Variants in AGAP1 observed in about 807,000 individuals in gnomAD.
AGAP1 encodes the protein ArfGAP with GTPase domain, ankyrin repeat and PH domain 1.
A neutral mutation model predicts 105.3 loss-of-function variants in AGAP1; 29 were observed. The ratio of observed to expected loss-of-function variants is 0.28; its 90% CI spans 0.21 to 0.38. AGAP1 has a LOEUF of 0.38. AGAP1 is among the 10% of genes least tolerant of loss of function. The probability of loss-of-function intolerance (pLI) is 1.00; values close to 1 mark genes in which losing one functional copy is unlikely to be tolerated. For missense variants in AGAP1, 998 were observed against 1,165.1 expected, an observed-to-expected ratio of 0.86 and a Z score of 2.09; for synonymous variants, 509 against 485.9, an observed-to-expected ratio of 1.05 and a Z score of -0.63.
intron 11 of AGAP1, among the ~76,000 whole-genome samples, chr2:235,920,304 G>A (rs1302228527): frequency 1.3e-5 from 2 of 152,110 alleles, no homozygotes; most frequent in Non-Finnish European, 2.9e-5. Context: ...TGTACCAATT[G>A]CCACATGATA....
In AGAP1 at chr2:235,686,646, GAT is replaced by G. The variant is rs869287617; in HGVS notation, c.164-22514_164-22513del. Among the ~76,000 whole-genome samples the G allele has an allele frequency of 4.8e-4, 9 of 18,822 alleles. 1 individual carries two copies. The highest frequency in any genetic ancestry group is 7.8e-4 in the Admixed American group (1 of 1,288). 12.3% of individuals were successfully genotyped at this position (18,822 alleles called of 152,430 possible). A position where few individuals can be genotyped will look rare whatever the true frequency, so the allele number is the denominator to read the frequency against. ...ATATATATATATATATATATATATA[GAT>G]ATATATATATATATATATTTTTTTT... On this transcript the variant is annotated intron_variant, in intron 1 of 17. Coordinates refer to ENST00000304032, the MANE Select transcript of AGAP1 (RefSeq NM_001037131.3).
At position 235,566,624 on chromosome 2, in the gene AGAP1, T is replaced by C. The variant is rs1229754883; in HGVS notation, c.163+71775T>C. ...GTCTGTCTCCTGCCTCTCTTATTTATGTTGTATGCCTGACACCTTCCTCAT... is the reference window on the plus strand; with the variant it reads ...GTCTGTCTCCTGCCTCTCTTATTTACGTTGTATGCCTGACACCTTCCTCAT... On this transcript the variant is annotated intron_variant, in intron 1 of 17. Transcript: ENST00000304032. This position sits in a 1 kb window ranked among gnomAD's most constrained non-coding sequence, Gnocchi z 5.2. 3.0e-6 allele frequency: 3 copies of C among 983,678 alleles called. No homozygotes were observed. Among genetic ancestry groups the C allele is most frequent in the Non-Finnish European group, 3.6e-6 (3 of 828,364 alleles). 60.9% of individuals were successfully genotyped at this position (983,678 alleles called of 1,614,324 possible). A position where few individuals can be genotyped will look rare whatever the true frequency, so the allele number is the denominator to read the frequency against.
Position 235,893,277 on chromosome 2 carries a change from T to A in AGAP1, c.1155+9828T>A, listed in dbSNP as rs1027532913. Among the ~76,000 whole-genome samples, 14 of 149,286 alleles carry A rather than the reference T, an allele frequency of 9.4e-5. No individual in the cohort carries two copies. Among genetic ancestry groups the A allele is most frequent in the Non-Finnish European group, 1.9e-4 (13 of 67,288 alleles). On this transcript the variant is annotated intron_variant, in intron 10 of 17. Coordinates refer to ENST00000304032, the MANE Select transcript of AGAP1 (RefSeq NM_001037131.3). This position sits in a 1 kb window ranked among gnomAD's most constrained non-coding sequence, Gnocchi z 4.7. ...GTCCATCATAAGGAAGCGCCGTGTC[T>A]GTAGCGTGGGTGTAGCGTGTCTGTG...
intron 9 of AGAP1, among the ~76,000 whole-genome samples, chr2:235,853,584 A>G (rs2048565538): frequency 2.0e-5 from 3 of 152,158 alleles, no homozygotes; most frequent in South Asian, 2.1e-4. Flanking sequence ...AGACCACCCT[A>G]TGGTAATTAT....
intron 1 of AGAP1, among the ~76,000 whole-genome samples, chr2:235,554,258 G>A (rs1943903350): frequency 6.6e-6 from 1 of 152,246 alleles, no homozygotes; most frequent in African/African-American, 2.4e-5. Flanking sequence ...CTGAAGCAGA[G>A]AGTGGCCTGC....
chr2:235,885,300 AT>A (rs1289588111), intron 10 of AGAP1, among the ~76,000 whole-genome samples: 1 of 152,162 alleles, frequency 6.6e-6, no homozygotes, highest in Non-Finnish European at 1.5e-5. Flanking sequence ...ATTTTTAATG[AT>A]TATATAATAT....
At chr2:235,950,370 T>A (rs1342788800) in intron 12 of AGAP1, among the ~76,000 whole-genome samples, 1 of 151,992 alleles carries the variant, frequency 6.6e-6, no homozygotes, top group Non-Finnish European at 1.5e-5. Flanking sequence ...CCATAGGATA[T>A]CACAGGGTGT....
chr2:235,701,345 CA>C lies in AGAP1; in HGVS notation c.164-7833del, dbSNP rs1950252584. ...ACAGATTCTAAGTCGCCTCAGGGCT[CA>C]GGGGAAAGAGCCTTGGAATTGCAGG... On this transcript the variant is annotated intron_variant, in intron 1 of 17. Coordinates refer to ENST00000304032, the MANE Select transcript of AGAP1 (RefSeq NM_001037131.3). The surrounding 1 kb of genome is among the most constrained non-coding windows in gnomAD (Gnocchi z 4.1). 6.6e-6 allele frequency among the ~76,000 whole-genome samples: 1 copy of C among 152,000 alleles called. No individual in the cohort carries two copies. Among genetic ancestry groups the C allele is most frequent in the East Asian group, 1.9e-4 (1 of 5,168 alleles).
rs949329456 is a variant in AGAP1, at chr2:236,049,428, G to C, written c.2114+147G>C. ...CGATTCATCCGGCATAGGAATGTCT[G>C]TGTTTAAAGTTGGTCTTGAGCAGAC... is the stretch of plus-strand genomic sequence containing the variant. On this transcript the variant is annotated intron_variant, in intron 16 of 17. Coordinates refer to ENST00000304032, the MANE Select transcript of AGAP1 (RefSeq NM_001037131.3). 1.3e-4 allele frequency: 96 copies of C among 712,540 alleles called. No individual in the cohort carries two copies. The African/African-American group carries it at 1.6e-3, about 12-fold the overall frequency. 44.1% of individuals were successfully genotyped at this position (712,540 alleles called of 1,614,324 possible).
intron 6 of AGAP1, among the ~76,000 whole-genome samples, chr2:235,786,078 G>A (rs1196874056): frequency 6.6e-6 from 1 of 152,170 alleles, no homozygotes; most frequent in East Asian, 1.9e-4. Flanking sequence ...ACAGCTTGAT[G>A]AGTTGAGAAG....
chr2:235,824,173 C>T lies in AGAP1; in HGVS notation c.1050+16842C>T, dbSNP rs1022351876. Among the ~76,000 whole-genome samples, 4 of 152,366 alleles carry T rather than the reference C, an allele frequency of 2.6e-5. No individual in the cohort carries two copies. The highest frequency in any genetic ancestry group is 4.4e-5 in the Non-Finnish European group (3 of 68,040). ...AGAAACGTTTTCTAAATAGCGCCAA[C>T]GCTGAGGGGTCTTCGATTGGTGGCA... On this transcript the variant is annotated intron_variant, in intron 9 of 17. Coordinates refer to ENST00000304032, the MANE Select transcript of AGAP1 (RefSeq NM_001037131.3). This position sits in a 1 kb window ranked among gnomAD's most constrained non-coding sequence, Gnocchi z 5.2.
chr2:235,531,487 T>C (rs1943043428), intron 1 of AGAP1, among the ~76,000 whole-genome samples: 1 of 152,130 alleles, frequency 6.6e-6, no homozygotes, highest in Non-Finnish European at 1.5e-5. Flanking sequence ...AGTGACCCGC[T>C]CCCATGTCAC....
At position 235,639,419 on chromosome 2, in the gene AGAP1, T is replaced by G. The variant is rs1947117778; in HGVS notation, c.164-69760T>G. ...GATAGAACCCGGGGAATCCCAGTGT[T>G]TCCAGGGTGGGCAGAGGAAGAGGAG... On this transcript the variant is annotated intron_variant, in intron 1 of 17. Coordinates refer to ENST00000304032, the MANE Select transcript of AGAP1 (RefSeq NM_001037131.3). The surrounding 1 kb of genome is among the most constrained non-coding windows in gnomAD (Gnocchi z 5.3). 6.6e-6 allele frequency among the ~76,000 whole-genome samples: 1 copy of G among 152,154 alleles called. No homozygotes were observed. The highest frequency in any genetic ancestry group is 2.4e-5 in the African/African-American group (1 of 41,434).
At chr2:236,118,844 T>C (rs112487943) in intron 16 of AGAP1, among the ~76,000 whole-genome samples, 1,609 of 152,226 alleles carry the variant, frequency 0.011, 30 homozygotes, top group African/African-American at 0.027. Context: ...CCTTTTTTTT[T>C]CCCCTCTAGC....
intron 13 of AGAP1, among the ~76,000 whole-genome samples, chr2:235,972,978 A>G (rs2054716009): frequency 1.3e-5 from 2 of 152,062 alleles, no homozygotes; most frequent in African/African-American, 4.8e-5. Flanking sequence ...ACCCTGCGAG[A>G]AGGTCTTCCT....
In AGAP1 at chr2:235,663,728, C is replaced by T. The variant is rs917215521; in HGVS notation, c.164-45451C>T. Among the ~76,000 whole-genome samples the T allele has an allele frequency of 6.6e-6, 1 of 152,164 alleles. No individual in the cohort carries two copies. The highest frequency in any genetic ancestry group is 1.9e-4 in the East Asian group (1 of 5,192). ...TTGTTCTCTGACAGTTCGTGATATT[C>T]GTTCCTACTCCAGGAAGCTCTTAGG... On this transcript the variant is annotated intron_variant, in intron 1 of 17. Coordinates refer to ENST00000304032, the MANE Select transcript of AGAP1 (RefSeq NM_001037131.3). The surrounding 1 kb of genome is among the most constrained non-coding windows in gnomAD (Gnocchi z 5.4).
chr2:235,905,977 A>G lies in AGAP1; in HGVS notation c.1156-2761A>G, dbSNP rs941844990. Among the ~76,000 whole-genome samples, 15 of 152,188 alleles carry G rather than the reference A, an allele frequency of 9.9e-5. No homozygotes were observed. The highest frequency in any genetic ancestry group is 3.9e-4 in the Admixed American group (6 of 15,284). ...ATGTTTTGTGGAGTCCAGCATCTCA[A>G]CTTCCAAGTGGAATCCCTTTCGGGG... On this transcript the variant is annotated intron_variant, in intron 10 of 17. Coordinates refer to ENST00000304032, the MANE Select transcript of AGAP1 (RefSeq NM_001037131.3). The surrounding 1 kb of genome is among the most constrained non-coding windows in gnomAD (Gnocchi z 4.2).
intron 1 of AGAP1, among the ~76,000 whole-genome samples, chr2:235,513,044 G>A (rs1942217184): frequency 6.6e-6 from 1 of 152,126 alleles, no homozygotes; most frequent in African/African-American, 2.4e-5. Flanking sequence ...GGCAGTTCTG[G>A]TCATTTTTGA....
rs979543789 is a variant in AGAP1, at chr2:235,610,690, A to G, written c.164-98489A>G. On this transcript the variant is annotated intron_variant, in intron 1 of 17. Coordinates refer to ENST00000304032, the MANE Select transcript of AGAP1 (RefSeq NM_001037131.3). The surrounding 1 kb of genome is among the most constrained non-coding windows in gnomAD (Gnocchi z 4.9). ...TAGCACAGCGCTTCCGCACACATCC[A>G]CATTGCAGACCCGCCATCCTCAAAC... is the stretch of plus-strand genomic sequence containing the variant. 6.6e-6 allele frequency among the ~76,000 whole-genome samples: 1 copy of G among 152,032 alleles called. No homozygotes were observed. Among genetic ancestry groups the G allele is most frequent in the African/African-American group, 2.4e-5 (1 of 41,378 alleles).
Sources: allele counts gnomAD v4.1 joint callset (sites outside exome capture counted in the v4.1 genomes callset), GRCh38; gene constraint gnomAD v4.1.1; non-coding constraint Gnocchi (gnomAD v3.1); transcripts MANE v1.5; gene names NCBI Gene and HGNC (gene_info 2026-07-23, HGNC 2026-07-21).